PPP2R5C: variants seen among roughly 807,000 people sequenced by gnomAD.
PPP2R5C encodes the protein serine/threonine-protein phosphatase 2A 56 kDa regulatory subunit gamma isoform.
In PPP2R5C, 7 loss-of-function variants were observed where a neutral mutation model predicts 68.9. That is an observed-to-expected ratio of 0.10 (90% CI 0.06 to 0.19). PPP2R5C has a LOEUF of 0.19. PPP2R5C is among the 10% of genes least tolerant of loss of function. The probability of loss-of-function intolerance (pLI) is 1.00; values close to 1 mark genes in which losing one functional copy is unlikely to be tolerated. For missense variants in PPP2R5C, 348 were observed against 641.3 expected, an observed-to-expected ratio of 0.54 and a Z score of 4.94; for synonymous variants, 210 against 222.2, an observed-to-expected ratio of 0.95 and a Z score of 0.49.
intron 8 of PPP2R5C, among the ~76,000 whole-genome samples, chr14:101,895,491 G>C (rs776469552): frequency 1.3e-5 from 2 of 151,958 alleles, no homozygotes; most frequent in Non-Finnish European, 2.9e-5. Flanking sequence ...CCTCCCTCTG[G>C]CCCCTGCTGA....
intron 1 of PPP2R5C, among the ~76,000 whole-genome samples, chr14:101,850,973 C>T: frequency 6.6e-6 from 1 of 152,266 alleles, no homozygotes; most frequent in Admixed American, 6.5e-5. Flanking sequence ...TCGTTTTGTA[C>T]TAAGAATAAA....
intron 1 of PPP2R5C, among the ~76,000 whole-genome samples, chr14:101,851,026 C>T (rs555173402): frequency 6.6e-6 from 1 of 152,326 alleles, no homozygotes; most frequent in South Asian, 2.1e-4. Context: ...AATGTTGGCT[C>T]CTGCCTTTCC....
Position 101,899,321 on chromosome 14 carries a change from A to T in PPP2R5C, c.853-2398A>T, listed in dbSNP as rs535829777. Among the ~76,000 whole-genome samples the T allele has an allele frequency of 6.6e-6, 1 of 152,270 alleles. No individual in the cohort carries two copies. Among genetic ancestry groups the T allele is most frequent in the South Asian group, 2.1e-4 (1 of 4,822 alleles). On this transcript the variant is annotated intron_variant, in intron 8 of 13. Transcript: ENST00000334743. The surrounding 1 kb of genome is among the most constrained non-coding windows in gnomAD (Gnocchi z 4.2). Reference sequence around the variant, plus strand: ...CAGGACAGGAAGGGGGCTCCCCAAGACTCAAGGCTGGGGCCACTGGCTCGC... The same window carrying T: ...CAGGACAGGAAGGGGGCTCCCCAAGTCTCAAGGCTGGGGCCACTGGCTCGC...
intron 2 of PPP2R5C, among the ~76,000 whole-genome samples, chr14:101,770,821 CCTGCATCCTT>C: frequency 6.6e-6 from 1 of 152,368 alleles, no homozygotes; most frequent in East Asian, 1.9e-4. Flanking sequence ...AAGGTTTCCA[CCTGCATCCTT>C]AGCGGAGCTG....
chr14:101,909,388 T>C (rs2046259520), intron 10 of PPP2R5C, among the ~76,000 whole-genome samples: 1 of 152,216 alleles, frequency 6.6e-6, no homozygotes, highest in Admixed American at 6.5e-5. Context: ...TCTGTGGCTA[T>C]GTGAGAGCCA....
chr14:101,804,580 T>C (rs2039002099), intron 3 of PPP2R5C, among the ~76,000 whole-genome samples: 1 of 152,176 alleles, frequency 6.6e-6, no homozygotes, highest in Admixed American at 6.5e-5. Flanking sequence ...TGGATGGAAC[T>C]GGAGATCTTT....
rs141565253 is a variant in PPP2R5C, at chr14:101,888,579, GTTGTTTTGTT to G, written c.630-1640_630-1631del. The stretch of plus-strand genomic sequence containing the variant: ...GAGCAGATCTCAGTTTTTCTGTTGT[GTTGTTTTGTT>G]TTGTTTTGTTTTGTTTTTTGTTTTG... On this transcript the variant is annotated intron_variant, in intron 5 of 13. Coordinates refer to ENST00000334743, the Ensembl canonical transcript of PPP2R5C. This position sits in a 1 kb window ranked among gnomAD's most constrained non-coding sequence, Gnocchi z 5.6. Among the ~76,000 whole-genome samples, 7,300 of 151,964 alleles carry G rather than the reference GTTGTTTTGTT, an allele frequency of 0.048. 207 individuals are homozygous for G. The highest frequency in any genetic ancestry group is 0.056 in the Non-Finnish European group (3,776 of 67,940).
At chr14:101,804,241 G>A (rs1209666392) in intron 3 of PPP2R5C, among the ~76,000 whole-genome samples, 2 of 152,154 alleles carry the variant, frequency 1.3e-5, no homozygotes, top group African/African-American at 4.8e-5. Context: ...AGAGGATGTG[G>A]GGAAAAGGGA....
rs1257355988 is a variant in PPP2R5C, at chr14:101,891,084, T to A, written c.689+788T>A. On this transcript the variant is annotated intron_variant, in intron 6 of 13. Transcript: ENST00000334743. This position sits in a 1 kb window ranked among gnomAD's most constrained non-coding sequence, Gnocchi z 4.9. ...ACCACGCCCGGCCACTTTTATTTAA[T>A]TGATAACCCGTAGATTTTATATTAG... Among the ~76,000 whole-genome samples the A allele has an allele frequency of 6.6e-6, 1 of 152,194 alleles. No homozygotes were observed. Among genetic ancestry groups the A allele is most frequent in the African/African-American group, 2.4e-5 (1 of 41,436 alleles).
chr14:101,776,578 C>G (rs2037432770), intron 2 of PPP2R5C, among the ~76,000 whole-genome samples: 1 of 152,098 alleles, frequency 6.6e-6, no homozygotes, highest in East Asian at 1.9e-4. Flanking sequence ...GGGGCCCTTG[C>G]TGTTCTCACC....
chr14:101,836,171 G>C (rs1040267665), intron 1 of PPP2R5C: 2 of 687,952 alleles, frequency 2.9e-6, no homozygotes, highest in Admixed American at 2.2e-5. Flanking sequence ...TTTTGCAGTT[G>C]AGGCTGTGAA....
rs1251832813 is a variant in PPP2R5C at position 101,888,222 on chromosome 14, C to T, written c.630-2015C>T. ...AGATCACAGCTCTCCAAGGTCCATG[C>T]GAGAGGAATAGTAAACTGAAGCCAC... On this transcript the variant is annotated intron_variant, in intron 5 of 13. Transcript: ENST00000334743. The surrounding 1 kb of genome is among the most constrained non-coding windows in gnomAD (Gnocchi z 5.6). Among the ~76,000 whole-genome samples, 1 of 151,834 alleles carries T rather than the reference C, an allele frequency of 6.6e-6. No homozygotes were observed. The highest frequency in any genetic ancestry group is 2.4e-5 in the African/African-American group (1 of 41,316).
At chr14:101,907,272 G>A (rs535279120) in intron 10 of PPP2R5C, among the ~76,000 whole-genome samples, 4 of 152,160 alleles carry the variant, frequency 2.6e-5, no homozygotes, top group Admixed American at 1.3e-4. Context: ...CTGGGCTCAA[G>A]CAAACCTCCT....
intron 1 of PPP2R5C, among the ~76,000 whole-genome samples, chr14:101,837,246 C>T (rs918354256): frequency 5.3e-5 from 8 of 152,092 alleles, no homozygotes; most frequent in Non-Finnish European, 1.0e-4. Context: ...TGGGTTCAAG[C>T]GATTCTCCTG....
intron 1 of PPP2R5C, among the ~76,000 whole-genome samples, chr14:101,846,005 C>T (rs934245059): frequency 1.3e-5 from 2 of 152,184 alleles, no homozygotes; most frequent in East Asian, 1.9e-4. Context: ...TCCACCCACA[C>T]GGAGTGGAAA....
chr14:101,908,040 G>A (rs2046158476), intron 10 of PPP2R5C, among the ~76,000 whole-genome samples: 1 of 152,218 alleles, frequency 6.6e-6, no homozygotes, highest in South Asian at 2.1e-4. Flanking sequence ...CCTTCCTCCT[G>A]AGCAGCTGTC....
At position 101,870,319 on chromosome 14, in the gene PPP2R5C, A is replaced by G. The variant is rs528965438; in HGVS notation, c.295-11842A>G. On this transcript the variant is annotated intron_variant, in intron 2 of 13. Coordinates refer to ENST00000334743, the Ensembl canonical transcript of PPP2R5C. ...AAGATTTTTCTCCTATATTTTCTTC[A>G]TCGTTTCACATTTTACATGTAGGTC... 3.9e-5 allele frequency among the ~76,000 whole-genome samples: 6 copies of G among 152,030 alleles called. No homozygotes were observed. In the South Asian group the frequency reaches 1.2e-3, roughly 32 times the overall value.
At chr14:101,773,955 G>A (rs1163357248) in intron 2 of PPP2R5C, among the ~76,000 whole-genome samples, 14 of 152,208 alleles carry the variant, frequency 9.2e-5, no homozygotes, top group Admixed American at 1.3e-4. Flanking sequence ...TCGGCCTTCC[G>A]AAGTGCTGGG....
At chr14:101,763,086 T>A in intron 2 of PPP2R5C, 116 bp downstream of exon 2, 1 of 851,206 alleles carries the variant, frequency 1.2e-6, no homozygotes, top group East Asian at 2.7e-5. Flanking sequence ...GTGAGGTTTT[T>A]TTTTTGTGGT....
Sources: gnomAD v4.1 joint callset for allele counts (sites outside exome capture counted in the v4.1 genomes callset) on GRCh38, gnomAD v4.1.1 for gene constraint, Gnocchi (gnomAD v3.1) non-coding constraint, MANE v1.5 for transcripts, NCBI Gene and HGNC (gene_info 2026-07-23, HGNC 2026-07-21) for gene names.